Variants in SLC22A13 observed in about 807,000 individuals in gnomAD.
SLC22A13 encodes organic anion transporter 10.
Under a neutral mutation model 49.1 loss-of-function variants are expected in SLC22A13, and 42 were observed. That is an observed-to-expected ratio of 0.85 (90% CI 0.67 to 1.11). SLC22A13 has a LOEUF of 1.11. Ranked by LOEUF, SLC22A13 falls within the 50% of genes least tolerant of loss-of-function variation. The probability of loss-of-function intolerance (pLI) is 0.00; values close to 1 mark genes in which losing one functional copy is unlikely to be tolerated. For missense variants in SLC22A13, 694 were observed against 712.8 expected (o/e 0.97, Z 0.30); for synonymous variants, 282 against 293.1 (o/e 0.96, Z 0.39).
chr3:38,277,180 C>T (rs907753572), intron 9 of SLC22A13, 53 bp downstream of exon 9: 21 of 1,374,342 alleles, frequency 1.5e-5, no homozygotes, highest in East Asian at 2.5e-5. Context: ...ATTGGCCACG[C>T]ACTCTATATG....
chr3:38,267,235 T>C (rs1056314477), intron 1 of SLC22A13, among the ~76,000 whole-genome samples: 13 of 152,202 alleles, frequency 8.5e-5, no homozygotes, highest in African/African-American at 2.7e-4. Context: ...CACTTTTTAA[T>C]GTGTGACCAT....
chr3:38,275,627 G>C lies in SLC22A13; in HGVS notation c.977G>C (p.Arg326Thr). Residue 326 changes from arginine to threonine, a missense_variant, in exon 6 of 10, where the codon AGA (arginine) becomes ACA (threonine). By Grantham distance (71) the Arg-to-Thr change is moderately conservative (BLOSUM62 -1). Transcript: ENST00000311856. ...GPSGNALDLF[R>T]HPQLRKVTLI... ...TCAGGGAATGCCCTGGATCTGTTCA[G>C]ACACCCCCAGCTCCGGAAGGTGACC... 1 of 1,614,172 alleles carries C rather than the reference G, an allele frequency of 6.2e-7. No individual in the cohort carries two copies. Among genetic ancestry groups the C allele is most frequent in the East Asian group, 2.2e-5 (1 of 44,882 alleles).
intron 1 of SLC22A13, among the ~76,000 whole-genome samples, chr3:38,273,088 G>A (rs1703538649): frequency 6.6e-6 from 1 of 152,178 alleles, no homozygotes; most frequent in African/African-American, 2.4e-5. Flanking sequence ...GGTTGCTGCT[G>A]GGAAGCTGGA....
chr3:38,272,949 C>T (rs947089203), intron 1 of SLC22A13, among the ~76,000 whole-genome samples: 1 of 152,186 alleles, frequency 6.6e-6, no homozygotes, highest in Non-Finnish European at 1.5e-5. Context: ...AGCTGTAGGA[C>T]CAAGGGTTAG....
At chr3:38,267,131 G>T (rs1703471517) in intron 1 of SLC22A13, among the ~76,000 whole-genome samples, 1 of 152,202 alleles carries the variant, frequency 6.6e-6, no homozygotes, top group Non-Finnish European at 1.5e-5. Flanking sequence ...GAAAATCTGG[G>T]ATTAAACATT....
At position 38,275,898 on chromosome 3, in the gene SLC22A13, G is replaced by T; in HGVS notation, c.1039G>T (p.Gly347Trp). 6.2e-7 allele frequency: 1 copy of T among 1,614,166 alleles called. No individual in the cohort carries two copies. ...IFCVWFVDSL[G>W]YYGLSLQVGD... ...ACCTTGTAGGTTTGTGGACAGTCTG[G>T]GGTACTACGGCCTGAGCCTCCAAGT... is the stretch of plus-strand genomic sequence containing the variant. Residue 347 changes from glycine to tryptophan, a missense_variant, in exon 7 of 10, where the codon GGG becomes TGG. Physicochemically the swap from Gly to Trp is radical, Grantham distance 184. Coordinates refer to ENST00000311856, the MANE Select transcript of SLC22A13 (RefSeq NM_004256.4).
In SLC22A13 at chr3:38,273,888, C is replaced by T. The variant is rs561829250; in HGVS notation, c.379-384C>T. 1.7e-3 allele frequency among the ~76,000 whole-genome samples: 252 copies of T among 152,326 alleles called. 1 individual carries two copies. The highest frequency in any genetic ancestry group is 6.0e-3 in the African/African-American group (248 of 41,566). On this transcript the variant is annotated intron_variant, in intron 1 of 9. Transcript: ENST00000311856. ...CAACTTCTCAGTCCTTAAACACTAC[C>T]TCCCTCACTTTCTCTTCCACATTGA... is the stretch of plus-strand genomic sequence containing the variant.
At chr3:38,268,680 A>G (rs1703487604) in intron 1 of SLC22A13, among the ~76,000 whole-genome samples, 1 of 152,212 alleles carries the variant, frequency 6.6e-6, no homozygotes, top group Non-Finnish European at 1.5e-5. Flanking sequence ...ACAGTCACGT[A>G]TATAGGGCAA....
intron 1 of SLC22A13, 46 bp from the exon 2 acceptor site, chr3:38,274,226 C>A: frequency 7.1e-7 from 1 of 1,410,042 alleles, no homozygotes; most frequent in Non-Finnish European, 1.0e-6. Context: ...GTAGGGCTTG[C>A]CCTCCTTGCA....
chr3:38,270,017 T>A (rs558509830), intron 1 of SLC22A13, among the ~76,000 whole-genome samples: 2 of 152,216 alleles, frequency 1.3e-5, no homozygotes, highest in East Asian at 3.9e-4. Flanking sequence ...AATTTCCAAT[T>A]TCATCCATGT....
rs533819568 is a variant in SLC22A13 at position 38,278,751 on chromosome 3, C to T, written c.*1286C>T. Among the ~76,000 whole-genome samples the T allele has an allele frequency of 7.7e-5, 11 of 142,946 alleles. No individual in the cohort carries two copies. The highest frequency in any genetic ancestry group is 6.9e-4 in the South Asian group (3 of 4,320). The allele number at this position is 142,946 out of a possible 152,430, so 93.8% of individuals were successfully genotyped here. ...AGGAGAATCGCTTGAACCTGGGAGG[C>T]GGAGTTTGCAGTGAGCCAAGATCGC... On this transcript the variant is annotated 3_prime_UTR_variant, in exon 10 of 10. Transcript: ENST00000311856.
chr3:38,272,662 C>T (rs1175557093), intron 1 of SLC22A13, among the ~76,000 whole-genome samples: 1 of 152,216 alleles, frequency 6.6e-6, no homozygotes, highest in Non-Finnish European at 1.5e-5. Flanking sequence ...ACTTCATTCC[C>T]AGGGGCAATC....
intron 1 of SLC22A13, among the ~76,000 whole-genome samples, chr3:38,269,562 T>G (rs1355187858): frequency 6.6e-6 from 1 of 152,148 alleles, no homozygotes; most frequent in Non-Finnish European, 1.5e-5. Flanking sequence ...CTGGCCTAAT[T>G]TTTAATTCTT....
Position 38,276,966 on chromosome 3 carries a change from A to T in SLC22A13, c.1401A>T (p.Thr467=). ...GIFSRIGGIL[T]PLVILLGEYH... ...TCTCACGGATCGGGGGCATCCTCAC[A>T]CCACTTGTGATCCTGCTGGGAGAGT... Residue 467 remains threonine (T), a synonymous_variant, in exon 9 of 10, where the codon ACA becomes ACT. Transcript: ENST00000311856. The T allele has an allele frequency of 6.2e-7, 1 of 1,613,726 alleles. No individual in the cohort carries two copies. Among genetic ancestry groups the T allele is most frequent in the African/African-American group, 1.3e-5 (1 of 74,988 alleles).
chr3:38,268,244 T>C (rs561833905), intron 1 of SLC22A13, among the ~76,000 whole-genome samples: 10 of 152,334 alleles, frequency 6.6e-5, no homozygotes, highest in East Asian at 1.9e-4. Context: ...AGAGCCTCCA[T>C]TGGCTGTTGG....
At chr3:38,273,416 C>T (rs1441133495) in intron 1 of SLC22A13, among the ~76,000 whole-genome samples, 6 of 152,014 alleles carry the variant, frequency 3.9e-5, no homozygotes, top group East Asian at 1.9e-4. Flanking sequence ...TGCGTGTGTA[C>T]GTGTGTGTGT....
chr3:38,269,549 C>T (rs972523944), intron 1 of SLC22A13, among the ~76,000 whole-genome samples: 4 of 152,106 alleles, frequency 2.6e-5, no homozygotes, highest in Non-Finnish European at 5.9e-5. Flanking sequence ...TGAGCCACCG[C>T]GCCTGGCCTA....
Position 38,277,731 on chromosome 3 carries a change from A to T in SLC22A13, c.*266A>T, listed in dbSNP as rs966313467. The T allele has an allele frequency of 2.9e-5, 10 of 342,162 alleles. No individual in the cohort carries two copies. The highest frequency in any genetic ancestry group is 5.4e-5 in the Non-Finnish European group (10 of 186,530). 21.2% of individuals were successfully genotyped at this position (342,162 alleles called of 1,614,324 possible). On this transcript the variant is annotated 3_prime_UTR_variant, in exon 10 of 10. Transcript: ENST00000311856. ...CTCTGTCTGGGTTAGGATCTTGGGT[A>T]TGTCTTGGAATTAACTTGTCCTCTA...
intron 7 of SLC22A13, 69 bp downstream of exon 7, chr3:38,276,165 G>A (rs1027032885): frequency 1.6e-5 from 25 of 1,517,620 alleles, no homozygotes; most frequent in Non-Finnish European, 2.1e-5. Flanking sequence ...TAGACCAGTG[G>A]CCATTGTTCT....
Sources: allele counts gnomAD v4.1 joint callset (sites outside exome capture counted in the v4.1 genomes callset), GRCh38; gene constraint gnomAD v4.1.1; transcripts MANE v1.5; gene names NCBI Gene and HGNC (gene_info 2026-07-23, HGNC 2026-07-21).